RYR3: variants seen among roughly 807,000 people sequenced by gnomAD.
The protein encoded by RYR3 is brain ryanodine receptor-calcium release channel.
In RYR3, 207 loss-of-function variants were observed where a neutral mutation model predicts 584.3. The observed-to-expected ratio is 0.35, with a 90% CI of 0.32 to 0.40. RYR3 has a LOEUF of 0.40. RYR3 is among the 10% of genes least tolerant of loss of function. The pLI, the probability that RYR3 is intolerant of heterozygous loss-of-function variation, is 1.00. For synonymous variants in RYR3, 2,416 were observed against 2,248.5 expected (o/e 1.07, Z -2.11); for missense variants, 5,616 against 6,089.2 (o/e 0.92, Z 2.59).
At chr15:33,312,379 G>GC (rs1386458092) in intron 1 of RYR3, among the ~76,000 whole-genome samples, 2 of 15,622 alleles carry the variant, frequency 1.3e-4, no homozygotes, top group Non-Finnish European at 2.4e-4. Context: ...GTCTTATTTG[G>GC]GGGGGGTATG....
chr15:33,464,566 T>C (rs144810149), intron 1 of RYR3, among the ~76,000 whole-genome samples: 3,555 of 147,552 alleles, frequency 0.024, 79 homozygotes, highest in Middle Eastern at 0.061. Context: ...ATAGATAATA[T>C]GTATTTAATA....
intron 38 of RYR3, among the ~76,000 whole-genome samples, chr15:33,695,805 A>G (rs968435759): frequency 6.6e-6 from 1 of 151,240 alleles, no homozygotes; most frequent in African/African-American, 2.4e-5. Context: ...TTTTTTTTTG[A>G]GACAGAGTCT....
chr15:33,416,421 T>C (rs910654697), intron 1 of RYR3, among the ~76,000 whole-genome samples: 1 of 152,188 alleles, frequency 6.6e-6, no homozygotes, highest in Non-Finnish European at 1.5e-5. Flanking sequence ...TGGTATCTCA[T>C]TGTGGTTTTT....
chr15:33,470,043 A>G (rs2048808120), intron 1 of RYR3, among the ~76,000 whole-genome samples: 1 of 152,176 alleles, frequency 6.6e-6, no homozygotes, highest in African/African-American at 2.4e-5. Flanking sequence ...GGTAGAACTC[A>G]ACTGTGGGGC....
intron 10 of RYR3, among the ~76,000 whole-genome samples, chr15:33,552,048 C>G (rs1219825958): frequency 6.6e-6 from 1 of 152,168 alleles, no homozygotes; most frequent in Non-Finnish European, 1.5e-5. Context: ...GCCTTCTACC[C>G]CCTTTCTCCT....
chr15:33,708,067 G>A (rs2066844641), intron 43 of RYR3, among the ~76,000 whole-genome samples: 2 of 152,138 alleles, frequency 1.3e-5, no homozygotes, highest in Non-Finnish European at 2.9e-5. Flanking sequence ...GCTTCTCTCT[G>A]CGTATTCATC....
chr15:33,860,984 T>C (rs2153017716), intron 101 of RYR3, 94 bp from the exon 102 acceptor site: 1 of 1,034,374 alleles, frequency 9.7e-7, no homozygotes, highest in Middle Eastern at 2.0e-4. Context: ...GAAAGAAAGT[T>C]TTCATTATCC....
intron 36 of RYR3, among the ~76,000 whole-genome samples, chr15:33,664,601 A>G (rs997993284): frequency 5.4e-5 from 7 of 128,696 alleles, no homozygotes; most frequent in African/African-American, 2.1e-4. Flanking sequence ...ATATATATAT[A>G]TATATATATA....
At chr15:33,596,589 A>T (rs926946513) in intron 16 of RYR3, among the ~76,000 whole-genome samples, 3 of 151,898 alleles carry the variant, frequency 2.0e-5, no homozygotes, top group African/African-American at 7.3e-5. Context: ...TGATGTTGTG[A>T]TACATATAAT....
intron 52 of RYR3, among the ~76,000 whole-genome samples, chr15:33,745,764 A>G (rs1288719278): frequency 2.0e-5 from 3 of 152,164 alleles, no homozygotes. Flanking sequence ...GGAGTACTCT[A>G]ACCTGAGAAG....
Position 33,807,541 on chromosome 15 carries a change from G to T in RYR3, c.10012-14G>T. On this transcript the variant is annotated splice_polypyrimidine_tract_variant and intron_variant, in intron 69 of 103. Transcript: ENST00000634891. ...CTCTTCTCCTTGTTTCTTTTCTTTT[G>T]TCTTTCCACACAGGCCATGCAAGTA... is the stretch of plus-strand genomic sequence containing the variant. 6.4e-7 allele frequency: 1 copy of T among 1,551,682 alleles called. No individual in the cohort carries two copies. The highest frequency in any genetic ancestry group is 1.2e-5 in the South Asian group (1 of 84,064).
chr15:33,524,534 G>A (rs867294254), intron 3 of RYR3, among the ~76,000 whole-genome samples: 4 of 152,282 alleles, frequency 2.6e-5, no homozygotes, highest in Admixed American at 6.5e-5. Flanking sequence ...GCTCCCAGAA[G>A]CAGAATCACT....
intron 67 of RYR3, among the ~76,000 whole-genome samples, chr15:33,797,252 A>G (rs756032300): frequency 5.9e-5 from 9 of 152,116 alleles, no homozygotes; most frequent in African/African-American, 9.7e-5. Flanking sequence ...GAGTTTTCCA[A>G]CTGCCTTTTG....
At chr15:33,714,059 A>G (rs767698215) in intron 43 of RYR3, among the ~76,000 whole-genome samples, 1 of 152,162 alleles carries the variant, frequency 6.6e-6, no homozygotes, top group Non-Finnish European at 1.5e-5. Context: ...TAGATTAAAT[A>G]CCTTGCCCAG....
intron 10 of RYR3, among the ~76,000 whole-genome samples, chr15:33,561,682 C>G (rs945902083): frequency 1.3e-5 from 2 of 151,844 alleles, no homozygotes; most frequent in African/African-American, 4.8e-5. Context: ...TCAAGATCAG[C>G]CTGGGCAACA....
At chr15:33,732,665 T>C (rs191219288) in intron 48 of RYR3, among the ~76,000 whole-genome samples, 9 of 152,324 alleles carry the variant, frequency 5.9e-5, no homozygotes, top group African/African-American at 2.2e-4. Context: ...CCAGTGTTTT[T>C]CCTTCTCACC....
At chr15:33,436,324 T>C (rs11858482) in intron 1 of RYR3, among the ~76,000 whole-genome samples, 1,847 of 152,276 alleles carry the variant, frequency 0.012, 30 homozygotes, top group African/African-American at 0.042. Context: ...TTATTAGATA[T>C]TGGTGTTGGT....
chr15:33,738,103 A>G (rs2069682905), intron 49 of RYR3, among the ~76,000 whole-genome samples: 1 of 152,078 alleles, frequency 6.6e-6, no homozygotes, highest in African/African-American at 2.4e-5. Flanking sequence ...AATTATTTCC[A>G]CCCCTGACTG....
chr15:33,609,940 T>A (rs1013081279), intron 18 of RYR3, among the ~76,000 whole-genome samples: 3 of 152,164 alleles, frequency 2.0e-5, no homozygotes, highest in Non-Finnish European at 4.4e-5. Context: ...GGTTCAGTTT[T>A]GTTTTCTTTT....
Sources: gnomAD v4.1 joint callset for allele counts (sites outside exome capture counted in the v4.1 genomes callset) on GRCh38, gnomAD v4.1.1 for gene constraint, MANE v1.5 for transcripts, NCBI Gene and HGNC (gene_info 2026-07-23, HGNC 2026-07-21) for gene names.